Variants in IL34 observed in about 807,000 individuals in gnomAD.
IL34 encodes interleukin-34.
Under a neutral mutation model 25.3 loss-of-function variants are expected in IL34, and 17 were observed. That is an observed-to-expected ratio of 0.67 (90% CI 0.46 to 1.01). The LOEUF (loss-of-function observed/expected upper bound fraction) is 1.01. IL34 is among the 50% of genes least tolerant of loss of function. The probability of loss-of-function intolerance (pLI) is 0.00; values close to 1 mark genes in which losing one functional copy is unlikely to be tolerated. For missense variants in IL34, 368 were observed against 312.9 expected, an observed-to-expected ratio of 1.18 and a Z score of -1.33; for synonymous variants, 174 against 140.9, an observed-to-expected ratio of 1.23 and a Z score of -1.66.
chr16:70,597,790 C>G (rs4082236), intron 1 of IL34, among the ~76,000 whole-genome samples: 15,344 of 152,152 alleles, frequency 0.1, 1,881 homozygotes, highest in African/African-American at 0.27. Context: ...ATAGCTGTCC[C>G]TCTCCAGAAT....
At chr16:70,643,908 T>C (rs1403938146), upstream of IL34, among the ~76,000 whole-genome samples, 1 of 152,208 alleles carries the variant, frequency 6.6e-6, no homozygotes. Flanking sequence ...GTTTGAGATT[T>C]GCTTTAAAAT....
intron 1 of IL34, among the ~76,000 whole-genome samples, chr16:70,616,801 C>G (rs966648153): frequency 6.6e-6 from 1 of 152,096 alleles, no homozygotes; most frequent in South Asian, 2.1e-4. Flanking sequence ...GGAATGTCAT[C>G]AGTTAAGGCT....
chr16:70,588,057 A>G (rs1006539809), intron 1 of IL34, among the ~76,000 whole-genome samples: 3 of 152,096 alleles, frequency 2.0e-5, no homozygotes, highest in Admixed American at 2.0e-4. Context: ...ACAGAAAACA[A>G]TATGTGTTGG....
At chr16:70,657,645 G>GT (rs2052267336) in intron 4 of IL34, among the ~76,000 whole-genome samples, 1 of 152,080 alleles carries the variant, frequency 6.6e-6, no homozygotes, top group Non-Finnish European at 1.5e-5. Context: ...CCTGGTGGTG[G>GT]GCACCTGTTA....
At chr16:70,650,379 C>T (rs938369791) in intron 1 of IL34, among the ~76,000 whole-genome samples, 7 of 152,166 alleles carry the variant, frequency 4.6e-5, no homozygotes, top group African/African-American at 1.7e-4. Context: ...CATCTGTGGA[C>T]AGGGTTTCCA....
At chr16:70,640,220 C>T (rs1003861085) in intron 1 of IL34, among the ~76,000 whole-genome samples, 1 of 152,134 alleles carries the variant, frequency 6.6e-6, no homozygotes, top group Non-Finnish European at 1.5e-5. Context: ...TGGCTCACTG[C>T]AGCCTTGGCC....
At chr16:70,644,233 C>CT (rs1278059849), upstream of IL34, among the ~76,000 whole-genome samples, 1 of 152,292 alleles carries the variant, frequency 6.6e-6, no homozygotes, top group East Asian at 1.9e-4. Flanking sequence ...GTGGAAATAA[C>CT]TTTTTTGTTT....
intron 1 of IL34, among the ~76,000 whole-genome samples, chr16:70,609,028 A>G (rs2051051799): frequency 6.6e-6 from 1 of 152,214 alleles, no homozygotes; most frequent in Admixed American, 6.5e-5. Context: ...AGAGGAAAGC[A>G]TAATTCTTTT....
chr16:70,621,604 C>T (rs1394292593), intron 1 of IL34, among the ~76,000 whole-genome samples: 1 of 152,090 alleles, frequency 6.6e-6, no homozygotes, highest in African/African-American at 2.4e-5. Context: ...AGTCATGGCA[C>T]CAAATTTCAT....
chr16:70,627,079 C>A (rs1393250752), intron 1 of IL34, among the ~76,000 whole-genome samples: 1 of 152,106 alleles, frequency 6.6e-6, no homozygotes, highest in Admixed American at 6.5e-5. Context: ...CCTTCCACCT[C>A]AGCCTCCCAA....
intron 1 of IL34, among the ~76,000 whole-genome samples, chr16:70,636,934 C>G (rs1330768910): frequency 1.3e-5 from 2 of 151,690 alleles, no homozygotes; most frequent in Non-Finnish European, 2.9e-5. Flanking sequence ...GGTTGGAGTA[C>G]AGTGGCGTAA....
chr16:70,649,715 C>T (rs1159388207), intron 1 of IL34, among the ~76,000 whole-genome samples: 1 of 152,190 alleles, frequency 6.6e-6, no homozygotes, highest in African/African-American at 2.4e-5. Context: ...CAACCCAGGG[C>T]CAGGGAACCA....
intron 1 of IL34, among the ~76,000 whole-genome samples, chr16:70,606,368 A>C (rs2051004555): frequency 6.6e-6 from 1 of 152,212 alleles, no homozygotes; most frequent in South Asian, 2.1e-4. Flanking sequence ...ACTGCACTCC[A>C]GCCTGGGCAA....
At chr16:70,591,179 T>A (rs2050750143) in intron 1 of IL34, among the ~76,000 whole-genome samples, 1 of 152,254 alleles carries the variant, frequency 6.6e-6, no homozygotes, top group South Asian at 2.1e-4. Flanking sequence ...GCTGTTGAGC[T>A]GATTTTGCCT....
rs2052168290 is a variant in IL34, at chr16:70,654,660, C to G, written c.151C>G (p.Leu51Val). The part of the protein sequence containing the change: ...LRDKLQYRSR[L>V]QYMKHYFPIN... ...GGACAAGCTGCAGTACAGGAGCCGA[C>G]TTCAGTACATGGTAACCACGTGGGC... The change falls in exon 2 of 6, where the codon CTT becomes GTT. Residue 51 changes from leucine to valine, a missense_variant. By Grantham distance (32) the Leu-to-Val change is conservative (BLOSUM62 1). Transcript: ENST00000288098. 6.2e-7 allele frequency: 1 copy of G among 1,607,876 alleles called. No individual in the cohort carries two copies. Among genetic ancestry groups the G allele is most frequent in the East Asian group, 2.2e-5 (1 of 44,630 alleles).
chr16:70,621,145 C>G (rs1297059582), intron 1 of IL34, among the ~76,000 whole-genome samples: 1 of 151,980 alleles, frequency 6.6e-6, no homozygotes, highest in Non-Finnish European at 1.5e-5. Context: ...GGGGTACTTG[C>G]CCCTGCCCCA....
At chr16:70,628,197 T>A (rs2051438268) in intron 1 of IL34, among the ~76,000 whole-genome samples, 1 of 152,204 alleles carries the variant, frequency 6.6e-6, no homozygotes, top group Admixed American at 6.5e-5. Flanking sequence ...TATTGGCCAT[T>A]TAAATATACT....
chr16:70,634,048 A>G (rs1420249620), intron 1 of IL34, among the ~76,000 whole-genome samples: 1 of 151,204 alleles, frequency 6.6e-6, no homozygotes, highest in Non-Finnish European at 1.5e-5. Flanking sequence ...ACGGGGTTTC[A>G]CCATGTTGGC....
chr16:70,599,794 C>G (rs1360345191), intron 1 of IL34, among the ~76,000 whole-genome samples: 14 of 151,690 alleles, frequency 9.2e-5, no homozygotes, highest in Admixed American at 5.9e-4. Flanking sequence ...CCTACTTTAG[C>G]CTCCCAAGAA....
Sources: allele counts gnomAD v4.1 joint callset (sites outside exome capture counted in the v4.1 genomes callset), GRCh38; gene constraint gnomAD v4.1.1; transcripts MANE v1.5; gene names NCBI Gene and HGNC (gene_info 2026-07-23, HGNC 2026-07-21).